TAS2R30: variants seen among roughly 807,000 people sequenced by gnomAD.
TAS2R30 encodes taste 2 receptor member 30, also known as taste receptor type 2 member 30.
For synonymous variants in TAS2R30, 141 were observed against 131.6 expected, an observed-to-expected ratio of 1.07 and a Z score of -0.49; for missense variants, 395 against 371.6, an observed-to-expected ratio of 1.06 and a Z score of -0.52.
Position 11,133,583 on chromosome 12 carries a change from G to A in TAS2R30, c.662C>T (p.Thr221Ile), listed in dbSNP as rs748053817. ...TTGCAAAGCTTTTATGTGGACCTTG[G>A]TGCTGGGATCTTGAGATCCTTTGCC... The change falls in exon 1 of 1, where the codon ACC becomes ATC. Residue 221 changes from threonine to isoleucine, a missense_variant. Transcript: ENST00000539585. The A allele has an allele frequency of 1.4e-5, 23 of 1,614,134 alleles. No homozygotes were observed. In the African/African-American group the frequency reaches 2.0e-4, roughly 14 times the overall value.
exon 1 of TAS2R30, chr12:11,133,727 T>G: frequency 1.2e-6 from 2 of 1,614,182 alleles, no homozygotes; most frequent in East Asian, 2.2e-5. Flanking sequence ...ATTTGAATGG[T>G]ACATTGCACT....
At chr12:11,132,967 T>A (rs1946409762) in exon 1 of TAS2R30, 1 of 252,022 alleles carries the variant, frequency 4.0e-6, no homozygotes, top group Admixed American at 5.0e-5. Context: ...TAATTATAAA[T>A]AGATATAAAT....
exon 1 of TAS2R30, chr12:11,133,904 G>C (rs1287546553): frequency 1.2e-6 from 2 of 1,614,138 alleles, no homozygotes; most frequent in South Asian, 1.1e-5. Context: ...AATAAGGTTG[G>C]AGAAATTGGC....
exon 1 of TAS2R30, chr12:11,133,557 T>C (rs751137947): frequency 5.9e-5 from 95 of 1,614,094 alleles, no homozygotes; most frequent in Non-Finnish European, 6.9e-5. Context: ...GAGGTCACAG[T>C]TTGCAAAGCT....
exon 1 of TAS2R30, chr12:11,133,569 T>C (rs915148979): frequency 1.2e-6 from 2 of 1,614,112 alleles, no homozygotes; most frequent in African/African-American, 2.7e-5. Context: ...TGCAAAGCTT[T>C]TATGTGGACC....
At chr12:11,133,201 A>T in exon 1 of TAS2R30, 1 of 1,353,884 alleles carries the variant, frequency 7.4e-7, no homozygotes, top group Non-Finnish European at 9.7e-7. Context: ...CTAGGTATAC[A>T]TGTGGAAATT....
exon 1 of TAS2R30, chr12:11,132,987 G>A (rs185519354): frequency 1.3e-4 from 40 of 304,902 alleles, no homozygotes; most frequent in Middle Eastern, 1.9e-3. Flanking sequence ...TTCTACAAAT[G>A]AAATATAAAA....
chr12:11,133,918 C>T, exon 1 of TAS2R30: 1 of 1,614,138 alleles, frequency 6.2e-7, no homozygotes, highest in South Asian at 1.1e-5. Flanking sequence ...AATTGGCAAT[C>T]CTGAGCAAAT....
chr12:11,134,242 C>T (rs564548213), exon 1 of TAS2R30: 1 of 1,604,780 alleles, frequency 6.2e-7, no homozygotes, highest in Non-Finnish European at 8.5e-7. Flanking sequence ...GAAAAGTTAT[C>T]ATGTCTGAAC....
exon 1 of TAS2R30, chr12:11,134,436 C>T (rs1946487898): frequency 1.5e-6 from 1 of 656,248 alleles, no homozygotes. Flanking sequence ...AAGTTCAATG[C>T]TCTCTTTATG....
At chr12:11,133,262 A>C in exon 1 of TAS2R30, 1 of 1,572,496 alleles carries the variant, frequency 6.4e-7, no homozygotes, top group Non-Finnish European at 8.6e-7. Context: ...AAAATGTTTC[A>C]TACACCACCA....
chr12:11,134,191 A>C (rs2600355), exon 1 of TAS2R30: 694,652 of 1,568,234 alleles, frequency 0.44, 127,126 homozygotes, highest in Non-Finnish European at 0.48. Context: ...AATTTCCAAT[A>C]ACAAATATAA....
exon 1 of TAS2R30, chr12:11,134,064 C>A: frequency 6.2e-7 from 1 of 1,614,104 alleles, no homozygotes; most frequent in Non-Finnish European, 8.5e-7. Flanking sequence ...AGTAATAACA[C>A]CCAGAGCAAA....
At chr12:11,133,423 G>A (rs1416209748) in exon 1 of TAS2R30, 3 of 1,613,952 alleles carry the variant, frequency 1.9e-6, no homozygotes, top group Non-Finnish European at 2.5e-6. Flanking sequence ...TGAATGGGTG[G>A]GTTGAAGGAT....
exon 1 of TAS2R30, chr12:11,133,078 A>G: frequency 1.7e-6 from 1 of 595,754 alleles, no homozygotes. Context: ...TTGTGAAAAA[A>G]CAATAAAAAG....
Position 11,134,247 on chromosome 12 carries a change from C to G in TAS2R30, c.-3G>C, listed in dbSNP as rs766737228. ...ATGATGGGCAGAAAAGTTATCATGT[C>G]TGAACAGACAAAAAGAAATTTTTAA... On this transcript the variant is annotated 5_prime_UTR_variant, in exon 1 of 1. Transcript: ENST00000539585. 4.4e-6 allele frequency: 7 copies of G among 1,604,588 alleles called. No individual in the cohort carries two copies. The African/African-American group carries it at 9.4e-5, about 22-fold the overall frequency.
exon 1 of TAS2R30, chr12:11,133,559 T>C: frequency 6.2e-7 from 1 of 1,614,224 alleles, no homozygotes. Context: ...GGTCACAGTT[T>C]GCAAAGCTTT....
exon 1 of TAS2R30, chr12:11,133,479 C>T (rs1946436384): frequency 1.9e-6 from 3 of 1,613,946 alleles, no homozygotes; most frequent in Admixed American, 1.7e-5. Flanking sequence ...GGTTGCTTTT[C>T]CAGCCTCCCA....
At chr12:11,133,224 A>G (rs1946425269) in exon 1 of TAS2R30, 4 of 1,534,910 alleles carry the variant, frequency 2.6e-6, no homozygotes, top group Middle Eastern at 3.5e-4. Context: ...TCATATACAT[A>G]TATTACAGAA....
Sources: gnomAD v4.1 joint callset for allele counts on GRCh38, gnomAD v4.1.1 for gene constraint, MANE v1.5 for transcripts, NCBI Gene and HGNC (gene_info 2026-07-23, HGNC 2026-07-21) for gene names.